The following INO80 variants were observed in gnomAD, a reference collection of about 807,000 sequenced individuals.
The protein encoded by INO80 is chromatin-remodeling ATPase INO80.
A neutral mutation model predicts 203.4 loss-of-function variants in INO80; 20 were observed. The ratio of observed to expected loss-of-function variants is 0.10; its 90% CI spans 0.07 to 0.14. INO80 has a LOEUF of 0.14. INO80 is among the 10% of genes least tolerant of loss of function. INO80 has a pLI of 1.00. For synonymous variants in INO80, 726 were observed against 685.2 expected (o/e 1.06, Z -0.93); for missense variants, 1,419 against 1,914.4 (o/e 0.74, Z 4.83).
At chr15:41,000,139 A>G (rs2043939617) in intron 28 of INO80, among the ~76,000 whole-genome samples, 1 of 152,150 alleles carries the variant, frequency 6.6e-6, no homozygotes, top group South Asian at 2.1e-4. Flanking sequence ...CACTGAGAAG[A>G]CTGCTCTTGC....
At chr15:41,088,178 C>A (rs1227181128) in intron 5 of INO80, among the ~76,000 whole-genome samples, 1 of 150,986 alleles carries the variant, frequency 6.6e-6, no homozygotes, top group Non-Finnish European at 1.5e-5. Context: ...GCAACCTCCG[C>A]CCCTTGGTTC....
intron 5 of INO80, among the ~76,000 whole-genome samples, chr15:41,090,925 C>A (rs916025399): frequency 1.6e-5 from 2 of 124,498 alleles, no homozygotes; most frequent in South Asian, 5.1e-4. Flanking sequence ...TTTAGAAATT[C>A]TTTTTTTTTT....
rs572279130 is a variant in INO80, at chr15:40,997,656, G to T, written c.3498-55C>A. 13 of 1,151,844 alleles carry T rather than the reference G, an allele frequency of 1.1e-5. No individual in the cohort carries two copies. The African/African-American group carries it at 1.5e-4, about 13-fold the overall frequency. The allele number at this position is 1,151,844 out of a possible 1,614,324, so 71.4% of individuals were successfully genotyped here. A position where few individuals can be genotyped will look rare whatever the true frequency, so the allele number is the denominator to read the frequency against. On this transcript the variant is annotated intron_variant, in intron 28 of 35. Transcript: ENST00000648947. ...AAAAACTGAAAAGAAAAAATGGCAT[G>T]TATCAATAGAGAGAGATCTCTGAAT...
At chr15:41,091,998 G>A (rs2045651762) in intron 5 of INO80, 29 bp downstream of exon 5, 1 of 1,569,196 alleles carries the variant, frequency 6.4e-7, no homozygotes, top group East Asian at 2.3e-5. Flanking sequence ...TGAATATTCA[G>A]TTTGAAGTGT....
chr15:41,059,767 A>T, intron 15 of INO80, 100 bp downstream of exon 15: 1 of 738,322 alleles, frequency 1.4e-6, no homozygotes, highest in South Asian at 2.2e-5. Flanking sequence ...AATATATAAT[A>T]GATAAGAAGA....
At chr15:41,011,577 CTTTCT>C (rs2044133761) in intron 27 of INO80, 1 of 150,424 alleles carries the variant, frequency 6.6e-6, no homozygotes, top group African/African-American at 2.5e-5. Context: ...CCCCAATTTT[CTTTCT>C]TTTTTTTTTT....
chr15:41,066,831 G>GAAAAAAAAAAAAACAAAAAA (rs11476914), intron 14 of INO80, among the ~76,000 whole-genome samples: 1 of 85,732 alleles, frequency 1.2e-5, no homozygotes, highest in Non-Finnish European at 2.3e-5. Flanking sequence ...ATGTCTCTAA[G>GAAAAAAAAAAAAACAAAAAA]AAAAAAAAAA....
Position 40,995,803 on chromosome 15 carries a change from C to G in INO80, c.3570+1726G>C, listed in dbSNP as rs2043873530. Among the ~76,000 whole-genome samples, 5 of 152,286 alleles carry G rather than the reference C, an allele frequency of 3.3e-5. No individual in the cohort carries two copies. The South Asian group carries it at 8.3e-4, about 25-fold the overall frequency. ...TTTCTACTATCTGATATGGTAGAAA[C>G]TATGTGATATGGCTCAAGTGAGCCA... On this transcript the variant is annotated intron_variant, in intron 29 of 35. Transcript: ENST00000648947.
chr15:41,057,412 A>G (rs1002928081), intron 16 of INO80, among the ~76,000 whole-genome samples: 3 of 150,444 alleles, frequency 2.0e-5, no homozygotes, highest in African/African-American at 4.9e-5. Flanking sequence ...CAACTGCGCC[A>G]CTGCACCACT....
In INO80 at chr15:41,020,960, G is replaced by A. The variant is rs766754102; in HGVS notation, c.3214C>T (p.Pro1072Ser). Residue 1072 changes from proline to serine, a missense_variant, in exon 26 of 36, where the codon CCA (proline) becomes TCA (serine). Coordinates refer to ENST00000648947, the MANE Select transcript of INO80 (RefSeq NM_017553.3). ...CTGATGCTCCACAGACCTCCAGCTG[G>A]CTCTGGGAAGAACTGTGATCGTCTA... ...LNRRSQFFPE[P>S]AGGLWSIRPQ... 1.6e-5 allele frequency: 26 copies of A among 1,613,980 alleles called. No individual in the cohort carries two copies. Among genetic ancestry groups the A allele is most frequent in the Non-Finnish European group, 2.1e-5 (25 of 1,179,986 alleles).
At position 41,105,486 on chromosome 15, in the gene INO80, TTAAC is replaced by T. The variant is rs1455056988; in HGVS notation, c.-43-9137_-43-9134del. 3.9e-5 allele frequency among the ~76,000 whole-genome samples: 6 copies of T among 152,130 alleles called. No individual in the cohort carries two copies. In the East Asian group the frequency reaches 7.7e-4, roughly 20 times the overall value. ...CATTTTACATACAAAGAAACTGAGC[TTAAC>T]TAACTCGCCCAAGATCATACAAACA... On this transcript the variant is annotated intron_variant, in intron 1 of 35. Coordinates refer to ENST00000648947, the MANE Select transcript of INO80 (RefSeq NM_017553.3).
intron 24 of INO80, among the ~76,000 whole-genome samples, chr15:41,028,421 C>T (rs376125783): frequency 6.6e-6 from 1 of 152,302 alleles, no homozygotes; most frequent in East Asian, 1.9e-4. Flanking sequence ...CAGGCATGAG[C>T]CACTGCACCT....
intron 5 of INO80, among the ~76,000 whole-genome samples, chr15:41,090,085 C>G (rs2045612861): frequency 6.6e-6 from 1 of 152,120 alleles, no homozygotes; most frequent in African/African-American, 2.4e-5. Flanking sequence ...AATCATAGTT[C>G]ATGAACTGGA....
At position 41,035,557 on chromosome 15, in the gene INO80, C is replaced by G. The variant is rs1476131993; in HGVS notation, c.2908-7821G>C. Among the ~76,000 whole-genome samples, 4 of 151,468 alleles carry G rather than the reference C, an allele frequency of 2.6e-5. No homozygotes were observed. The East Asian group carries it at 7.7e-4, about 29-fold the overall frequency. On this transcript the variant is annotated intron_variant, in intron 24 of 35. Coordinates refer to ENST00000648947, the MANE Select transcript of INO80 (RefSeq NM_017553.3). Reference sequence around the variant, plus strand: ...AAAAAAAAGACCGGGCGCGGTGGCTCACGCCTGTAATCCCAGCACTTTGAG... The same window carrying G: ...AAAAAAAAGACCGGGCGCGGTGGCTGACGCCTGTAATCCCAGCACTTTGAG...
In INO80 at chr15:41,042,621, G is replaced by C. The variant is rs956599622; in HGVS notation, c.2907+2283C>G. Among the ~76,000 whole-genome samples the C allele has an allele frequency of 2.0e-5, 3 of 151,962 alleles. No individual in the cohort carries two copies. In the East Asian group the frequency reaches 5.8e-4, roughly 29 times the overall value. The stretch of plus-strand genomic sequence containing the variant: ...CCCGAGTAGCTGGGATTACAGGCGT[G>C]TGCCACCACACCCAGCTAATTTTTG... On this transcript the variant is annotated intron_variant, in intron 24 of 35. Transcript: ENST00000648947.
rs145473172 is a variant in INO80 at position 41,092,112 on chromosome 15, T to G, written c.452A>C (p.Asn151Thr). 1 of 1,612,750 alleles carries G rather than the reference T, an allele frequency of 6.2e-7. No homozygotes were observed. The change falls in exon 5 of 36, where the codon AAT becomes ACT. Residue 151 changes from asparagine to threonine, a missense_variant. Physicochemically the swap from Asn to Thr is moderately conservative, Grantham distance 65. Coordinates refer to ENST00000648947, the MANE Select transcript of INO80 (RefSeq NM_017553.3). The part of the protein sequence containing the change: ...QSEDDDEEEL[N>T]LSREELHNML... ...GTTGTGAAGTTCTTCTCTGCTGAGATTGAGTTCTTCTTCATCATCGTCTTC... is the reference window on the plus strand; with the variant it reads ...GTTGTGAAGTTCTTCTCTGCTGAGAGTGAGTTCTTCTTCATCATCGTCTTC...
At chr15:41,002,085 T>C (rs1287450104) in intron 28 of INO80, among the ~76,000 whole-genome samples, 2 of 152,208 alleles carry the variant, frequency 1.3e-5, no homozygotes, top group African/African-American at 4.8e-5. Flanking sequence ...GTTTGTAATG[T>C]AGGCAGGGAT....
rs74491803 is a variant in INO80, at chr15:41,031,685, G to A, written c.2908-3949C>T. ...GCCATACTATGGGGAATTTGACCTG[G>A]TTTTCACGTGGTCACAGCTTTTGCT... On this transcript the variant is annotated intron_variant, in intron 24 of 35. Coordinates refer to ENST00000648947, the MANE Select transcript of INO80 (RefSeq NM_017553.3). Among the ~76,000 whole-genome samples, 83 of 149,118 alleles carry A rather than the reference G, an allele frequency of 5.6e-4. 1 individual carries two copies. Among genetic ancestry groups the A allele is most frequent in the Non-Finnish European group, 9.5e-4 (64 of 67,018 alleles).
At chr15:40,997,502 C>A in intron 29 of INO80, 27 bp downstream of exon 29, 2 of 1,462,698 alleles carry the variant, frequency 1.4e-6, no homozygotes, top group South Asian at 2.3e-5. Context: ...ACCTGCATAT[C>A]TAGTTGATTG....
Sources: gnomAD v4.1 joint callset for allele counts (sites outside exome capture counted in the v4.1 genomes callset) on GRCh38, gnomAD v4.1.1 for gene constraint, MANE v1.5 for transcripts, NCBI Gene and HGNC (gene_info 2026-07-23, HGNC 2026-07-21) for gene names.